The following AHI1 variants were observed in gnomAD, a reference collection of about 807,000 sequenced individuals.
AHI1 encodes the protein jouberin.
AHI1 carries 123 observed loss-of-function variants against 149.3 expected under a neutral mutation model. That is an observed-to-expected ratio of 0.82 (90% CI 0.71 to 0.96). The LOEUF (loss-of-function observed/expected upper bound fraction) is 0.96. Ranked by LOEUF, AHI1 falls within the 40% of genes least tolerant of loss-of-function variation. AHI1 has a pLI of 0.00. For missense variants in AHI1, 1,439 were observed against 1,422.7 expected, an observed-to-expected ratio of 1.01 and a Z score of -0.18; for synonymous variants, 475 against 459.8, an observed-to-expected ratio of 1.03 and a Z score of -0.42.
intron 24 of AHI1, among the ~76,000 whole-genome samples, chr6:135,347,958 G>GA (rs1554286708): frequency 1.3e-5 from 2 of 152,134 alleles, no homozygotes; most frequent in Non-Finnish European, 2.9e-5. Flanking sequence ...AATAAGAAGG[G>GA]TTTTTTCCCC....
intron 26 of AHI1, among the ~76,000 whole-genome samples, chr6:135,305,848 C>G (rs1437084259): frequency 6.6e-6 from 1 of 152,218 alleles, no homozygotes; most frequent in Admixed American, 6.5e-5. Flanking sequence ...AACCTTGCAT[C>G]CTAAGCTGCA....
chr6:135,463,100 T>G (rs1790173750), intron 8 of AHI1, 25 bp downstream of exon 8: 10 of 1,542,216 alleles, frequency 6.5e-6, no homozygotes, highest in Non-Finnish European at 8.7e-6. Flanking sequence ...CATACACAAT[T>G]TTTCATTTAA....
At chr6:135,384,431 C>G (rs1055083762) in intron 23 of AHI1, among the ~76,000 whole-genome samples, 1 of 152,136 alleles carries the variant, frequency 6.6e-6, no homozygotes, top group Non-Finnish European at 1.5e-5. Flanking sequence ...ATAACTTGCT[C>G]AAGTCACAGC....
intron 20 of AHI1, among the ~76,000 whole-genome samples, chr6:135,422,809 G>A (rs756469565): frequency 5.9e-4 from 89 of 151,692 alleles, no homozygotes; most frequent in Admixed American, 3.9e-4. Context: ...ATTTTTAAGG[G>A]AGTGAACTAT....
In AHI1 at chr6:135,285,511, C is replaced by A; in HGVS notation, c.*134G>T. Reference sequence around the variant, plus strand: ...TGATTCTGATTTTTCTAGAGTCATTCATAAGAACAAGAAGTAGTGGATCCT... The same window carrying A: ...TGATTCTGATTTTTCTAGAGTCATTAATAAGAACAAGAAGTAGTGGATCCT... On this transcript the variant is annotated 3_prime_UTR_variant, in exon 29 of 29. Coordinates refer to ENST00000265602, the MANE Select transcript of AHI1 (RefSeq NM_001134831.2). The A allele has an allele frequency of 2.1e-6, 2 of 936,282 alleles. No homozygotes were observed. Among genetic ancestry groups the A allele is most frequent in the Non-Finnish European group, 3.3e-6 (2 of 603,276 alleles). 58.0% of individuals were successfully genotyped at this position (936,282 alleles called of 1,614,324 possible). A position where few individuals can be genotyped will look rare whatever the true frequency, so the allele number is the denominator to read the frequency against.
intron 26 of AHI1, among the ~76,000 whole-genome samples, chr6:135,310,928 A>G (rs1785111715): frequency 6.6e-6 from 1 of 152,158 alleles, no homozygotes; most frequent in Non-Finnish European, 1.5e-5. Flanking sequence ...GGAATTAAAA[A>G]AACAGATTTT....
At chr6:135,443,584 C>G (rs908581096) in intron 13 of AHI1, among the ~76,000 whole-genome samples, 1 of 152,070 alleles carries the variant, frequency 6.6e-6, no homozygotes, top group Non-Finnish European at 1.5e-5. Context: ...TTCAAAGGGT[C>G]AAGCCTAGCT....
chr6:135,398,056 ATG>A (rs1415041739), intron 22 of AHI1, among the ~76,000 whole-genome samples: 1,046 of 96,532 alleles, frequency 0.011, 15 homozygotes, highest in African/African-American at 0.04. Flanking sequence ...AATACCCAGG[ATG>A]TTTTTTTTTT....
At chr6:135,325,027 AT>A (rs35569285) in intron 24 of AHI1, among the ~76,000 whole-genome samples, 85,160 of 136,492 alleles carry the variant, frequency 0.62, 26,581 homozygotes, top group African/African-American at 0.76. Flanking sequence ...ACAAATTACA[AT>A]TTTTTTTTTT....
chr6:135,444,072 TAAC>T (rs1161490235), intron 13 of AHI1, among the ~76,000 whole-genome samples: 3 of 152,316 alleles, frequency 2.0e-5, no homozygotes, highest in Admixed American at 6.5e-5. Context: ...GAAAGTCTGA[TAAC>T]AACAATAAAG....
intron 23 of AHI1, among the ~76,000 whole-genome samples, chr6:135,381,695 T>C (rs1478778941): frequency 6.6e-6 from 1 of 152,234 alleles, no homozygotes; most frequent in African/African-American, 2.4e-5. Flanking sequence ...GGATGATACA[T>C]GTAATCGGAC....
intron 8 of AHI1, among the ~76,000 whole-genome samples, chr6:135,462,325 A>C (rs138659237): frequency 2.0e-4 from 30 of 152,168 alleles, no homozygotes; most frequent in Admixed American, 3.9e-4. Context: ...AATAAGAGAA[A>C]ACAAACAAGA....
intron 5 of AHI1, among the ~76,000 whole-genome samples, chr6:135,481,623 A>C (rs1239777572): frequency 2.0e-5 from 3 of 151,588 alleles, no homozygotes; most frequent in Non-Finnish European, 4.4e-5. Context: ...TTTAAGTAAG[A>C]GAAAAATCCT....
chr6:135,410,073 T>C (rs1414155112), intron 21 of AHI1, among the ~76,000 whole-genome samples: 2 of 152,156 alleles, frequency 1.3e-5, no homozygotes, highest in African/African-American at 4.8e-5. Context: ...AGGTAAGAAA[T>C]ACTACAATCC....
In AHI1 at chr6:135,466,334, T is replaced by G; in HGVS notation, c.229A>C (p.Thr77Pro). Reference sequence around the variant, plus strand: ...GCAGCACTTACATCATCACTTGTAGTTTCTTTAATATGGGGAAGATTGCTT... The same window carrying G: ...GCAGCACTTACATCATCACTTGTAGGTTCTTTAATATGGGGAAGATTGCTT... The part of the protein sequence containing the change: ...IRSNLPHIKE[T>P]TSDDVSAANT... Residue 77 changes from threonine to proline, a missense_variant, in exon 7 of 29, where the codon ACT (threonine) becomes CCT (proline). Physicochemically the swap from Thr to Pro is conservative, Grantham distance 38. Transcript: ENST00000265602. 1 of 1,613,910 alleles carries G rather than the reference T, an allele frequency of 6.2e-7. No homozygotes were observed. Among genetic ancestry groups the G allele is most frequent in the Non-Finnish European group, 8.5e-7 (1 of 1,179,850 alleles).
At chr6:135,484,110 GCAGGGAAACTCC>G (rs1307750207) in intron 5 of AHI1, among the ~76,000 whole-genome samples, 1 of 152,162 alleles carries the variant, frequency 6.6e-6, no homozygotes, top group Non-Finnish European at 1.5e-5. Context: ...GAGAGCTTGT[GCAGGGAAACTCC>G]CATTTTTAAA....
At chr6:135,353,527 G>C (rs747095754) in intron 24 of AHI1, among the ~76,000 whole-genome samples, 1 of 151,974 alleles carries the variant, frequency 6.6e-6, no homozygotes, top group Non-Finnish European at 1.5e-5. Context: ...ATATGAAACA[G>C]CCATATTTTA....
chr6:135,301,762 C>G (rs1398297833), intron 26 of AHI1: 6 of 985,278 alleles, frequency 6.1e-6, no homozygotes, highest in East Asian at 1.1e-4. Context: ...TTTTCTCCAC[C>G]AGTGGAATTG....
chr6:135,477,730 C>T (rs57064574), intron 5 of AHI1, among the ~76,000 whole-genome samples: 12,111 of 152,142 alleles, frequency 0.08, 1,156 homozygotes, highest in African/African-American at 0.23. Context: ...CCTTCCACCA[C>T]GAATATAAAT....
Sources: gnomAD v4.1 joint callset for allele counts (sites outside exome capture counted in the v4.1 genomes callset) on GRCh38, gnomAD v4.1.1 for gene constraint, MANE v1.5 for transcripts, NCBI Gene and HGNC (gene_info 2026-07-23, HGNC 2026-07-21) for gene names.